SNTB1: variants seen among roughly 807,000 people sequenced by gnomAD.
SNTB1 encodes the protein beta-1-syntrophin.
Under a neutral mutation model 48.9 loss-of-function variants are expected in SNTB1, and 36 were observed. The ratio of observed to expected loss-of-function variants is 0.74; its 90% CI spans 0.56 to 0.97. SNTB1 has a LOEUF of 0.97. Ranked by LOEUF, SNTB1 falls within the 50% of genes least tolerant of loss-of-function variation. The pLI is 0.00. For synonymous variants in SNTB1, 299 were observed against 294.6 expected (o/e 1.01, Z -0.15); for missense variants, 786 against 703.4 (o/e 1.12, Z -1.33).
chr8:120,584,861 C>T (rs553501092), intron 3 of SNTB1, among the ~76,000 whole-genome samples: 6 of 152,210 alleles, frequency 3.9e-5, no homozygotes, highest in Non-Finnish European at 5.9e-5. Context: ...GAGGAGGCCA[C>T]GTGAGCATGA....
At chr8:120,548,411 G>T (rs1208621158) in intron 5 of SNTB1, among the ~76,000 whole-genome samples, 1 of 152,096 alleles carries the variant, frequency 6.6e-6, no homozygotes, top group East Asian at 1.9e-4. Flanking sequence ...TTCTGTGATA[G>T]ATTACTCGGA....
intron 2 of SNTB1, among the ~76,000 whole-genome samples, chr8:120,645,976 G>T: frequency 6.8e-6 from 1 of 147,776 alleles, no homozygotes; most frequent in South Asian, 2.2e-4. Context: ...GTCTGTTGTT[G>T]GTGTATAAGA....
intron 1 of SNTB1, among the ~76,000 whole-genome samples, chr8:120,803,126 A>G (rs893251609): frequency 6.6e-6 from 1 of 152,208 alleles, no homozygotes; most frequent in African/African-American, 2.4e-5. Context: ...CAGTTTAGAT[A>G]TATCTTTCCA....
intron 1 of SNTB1, among the ~76,000 whole-genome samples, chr8:120,794,909 T>C (rs971979240): frequency 6.6e-6 from 1 of 151,986 alleles, no homozygotes; most frequent in Non-Finnish European, 1.5e-5. Flanking sequence ...TTTAAAACCA[T>C]CTACTTTCTG....
chr8:120,566,329 CAAAAAAAAA>C (rs71306894), intron 4 of SNTB1, among the ~76,000 whole-genome samples: 1 of 78,294 alleles, frequency 1.3e-5, no homozygotes, highest in South Asian at 4.4e-4. Context: ...GACTCTGTCT[CAAAAAAAAA>C]AAAAAAAAAA....
intron 1 of SNTB1, among the ~76,000 whole-genome samples, chr8:120,747,748 A>AAAT (rs35609862): frequency 0.13 from 19,717 of 152,138 alleles, 1,647 homozygotes; most frequent in African/African-American, 0.23. Context: ...CTGGGTGAAG[A>AAAT]AATCTGTACA....
At chr8:120,664,727 G>C (rs188499385) in intron 2 of SNTB1, among the ~76,000 whole-genome samples, 1 of 152,288 alleles carries the variant, frequency 6.6e-6, no homozygotes, top group African/African-American at 2.4e-5. Context: ...AGCAAATAAT[G>C]CTGCTATGAA....
chr8:120,803,101 T>C (rs765938335), intron 1 of SNTB1, among the ~76,000 whole-genome samples: 13 of 152,162 alleles, frequency 8.5e-5, no homozygotes, highest in Non-Finnish European at 1.9e-4. Context: ...AATGCAGTGA[T>C]ACTCACCAAC....
Position 120,804,877 on chromosome 8 carries a change from C to T in SNTB1, c.571+6396G>A, listed in dbSNP as rs1820302180. ...TGAAGGCATTTGCCTTCTATAATGC[C>T]CTGTCCAAGAGCAGACCAGATACCC... On this transcript the variant is annotated intron_variant, in intron 1 of 6. Transcript: ENST00000517992. Among the ~76,000 whole-genome samples, 3 of 152,286 alleles carry T rather than the reference C, an allele frequency of 2.0e-5. No homozygotes were observed. The East Asian group carries it at 5.8e-4, about 29-fold the overall frequency.
intron 2 of SNTB1, among the ~76,000 whole-genome samples, chr8:120,655,292 T>TA (rs1378407731): frequency 6.6e-6 from 1 of 152,192 alleles, no homozygotes; most frequent in Non-Finnish European, 1.5e-5. Flanking sequence ...TTAGATTGTT[T>TA]AAAAAATACT....
chr8:120,790,585 C>T (rs553821813), intron 1 of SNTB1, among the ~76,000 whole-genome samples: 54 of 151,948 alleles, frequency 3.6e-4, no homozygotes, highest in Non-Finnish European at 6.3e-4. Flanking sequence ...CTGCTATACA[C>T]CAAAGACAAC....
intron 4 of SNTB1, among the ~76,000 whole-genome samples, chr8:120,561,364 TGAAAG>T (rs1285311508): frequency 5.6e-4 from 81 of 143,892 alleles, no homozygotes; most frequent in African/African-American, 1.9e-3. Flanking sequence ...AAAAGAAACT[TGAAAG>T]GAAAGATTAC....
At chr8:120,720,974 A>G (rs906962269) in intron 1 of SNTB1, among the ~76,000 whole-genome samples, 10 of 152,288 alleles carry the variant, frequency 6.6e-5, no homozygotes, top group Admixed American at 2.0e-4. Context: ...ATGAGAAGGA[A>G]TTTTCTGACT....
intron 1 of SNTB1, among the ~76,000 whole-genome samples, chr8:120,794,626 A>G (rs1820091861): frequency 6.6e-6 from 1 of 152,032 alleles, no homozygotes; most frequent in Non-Finnish European, 1.5e-5. Flanking sequence ...TTTGATTTTC[A>G]CTTGGTAAGT....
rs191650863 is a variant in SNTB1, at chr8:120,786,618, C to A, written c.571+24655G>T. 8.5e-4 allele frequency among the ~76,000 whole-genome samples: 130 copies of A among 152,286 alleles called. 1 individual carries two copies. Among genetic ancestry groups the A allele is most frequent in the Middle Eastern group, 6.8e-3 (2 of 294 alleles). On this transcript the variant is annotated intron_variant, in intron 1 of 6. Coordinates refer to ENST00000517992, the MANE Select transcript of SNTB1 (RefSeq NM_021021.4). ...GAGGTAGAGTCACAATCCCTCCCTA[C>A]ACAGAACATCAGCATTCCTACAGAT...
chr8:120,640,810 G>A (rs912615689), intron 2 of SNTB1, among the ~76,000 whole-genome samples: 4 of 152,134 alleles, frequency 2.6e-5, no homozygotes, highest in Non-Finnish European at 5.9e-5. Context: ...TTGCATCATT[G>A]TTCATCAGGG....
rs72680597 is a variant in SNTB1 at position 120,606,435 on chromosome 8, A to G, written c.996+26009T>C. Among the ~76,000 whole-genome samples, 384 of 89,174 alleles carry G rather than the reference A, an allele frequency of 4.3e-3. 4 individuals carry two copies. Among genetic ancestry groups the G allele is most frequent in the African/African-American group, 0.017 (347 of 20,834 alleles). The allele number at this position is 89,174 out of a possible 152,430, so 58.5% of individuals were successfully genotyped here. ...TGTGTGTGTGTGTGTGTGTGTGTGT[A>G]TATACACACACTCCAAATCATTACA... On this transcript the variant is annotated intron_variant, in intron 3 of 6. Transcript: ENST00000517992.
chr8:120,555,951 C>T (rs1815560034), intron 4 of SNTB1, among the ~76,000 whole-genome samples: 1 of 152,164 alleles, frequency 6.6e-6, no homozygotes, highest in Non-Finnish European at 1.5e-5. Flanking sequence ...CTGACAGCAC[C>T]GTGATCTTGG....
chr8:120,628,555 G>C (rs1027429836), intron 3 of SNTB1, among the ~76,000 whole-genome samples: 9 of 152,052 alleles, frequency 5.9e-5, no homozygotes, highest in African/African-American at 2.2e-4. Context: ...TCAGGAGTTC[G>C]AGACCATCCT....
Sources: allele counts gnomAD v4.1 joint callset (sites outside exome capture counted in the v4.1 genomes callset), GRCh38; gene constraint gnomAD v4.1.1; transcripts MANE v1.5; gene names NCBI Gene and HGNC (gene_info 2026-07-23, HGNC 2026-07-21).